Variants in TMEM132D observed in about 807,000 individuals in gnomAD.
The protein encoded by TMEM132D is mature OL transmembrane protein.
In TMEM132D, 21 loss-of-function variants were observed where a neutral mutation model predicts 62.3. The ratio of observed to expected loss-of-function variants is 0.34; its 90% CI spans 0.24 to 0.49. TMEM132D has a LOEUF of 0.49. Among genes scored for constraint, TMEM132D ranks in the 20% least tolerant of loss-of-function variants. The pLI, the probability that TMEM132D is intolerant of heterozygous loss-of-function variation, is 0.99. For missense variants in TMEM132D, 1,346 were observed against 1,402.8 expected (o/e 0.96, Z 0.65); for synonymous variants, 621 against 575.6 (o/e 1.08, Z -1.13).
At chr12:129,747,783 CACACTCG>C (rs935543534) in intron 1 of TMEM132D, among the ~76,000 whole-genome samples, 3 of 151,082 alleles carry the variant, frequency 2.0e-5, no homozygotes, top group African/African-American at 7.3e-5. Flanking sequence ...AACACATTCA[CACACTCG>C]ACACAGACAC....
chr12:129,270,657 G>C (rs1416958538), intron 4 of TMEM132D, among the ~76,000 whole-genome samples: 1 of 152,200 alleles, frequency 6.6e-6, no homozygotes, highest in East Asian at 1.9e-4. Flanking sequence ...GTGTGTGTGT[G>C]TGTGAGAGTG....
chr12:129,219,411 T>C (rs928023639), intron 4 of TMEM132D, among the ~76,000 whole-genome samples: 1 of 152,182 alleles, frequency 6.6e-6, no homozygotes, highest in Non-Finnish European at 1.5e-5. Flanking sequence ...ATGTCTTTAT[T>C]AGCAGTGTGA....
chr12:129,667,629 C>A (rs1334356339), intron 2 of TMEM132D, among the ~76,000 whole-genome samples: 1 of 152,044 alleles, frequency 6.6e-6, no homozygotes, highest in East Asian at 1.9e-4. Flanking sequence ...AATTATGTCT[C>A]TTTCTAACCT....
chr12:129,078,817 G>C, intron 7 of TMEM132D, 92 bp from the exon 8 acceptor site: 3 of 1,352,334 alleles, frequency 2.2e-6, no homozygotes, highest in South Asian at 1.3e-5. Context: ...TGCAGGCAGC[G>C]GCAGGGCAAC....
intron 1 of TMEM132D, among the ~76,000 whole-genome samples, chr12:129,896,353 C>T (rs7294738): frequency 0.055 from 8,377 of 152,112 alleles, 316 homozygotes; most frequent in East Asian, 0.17. Flanking sequence ...TTCATCTGCA[C>T]GAGAAAGGAG....
Position 129,854,020 on chromosome 12 carries a change from G to A in TMEM132D, c.79+49241C>T, listed in dbSNP as rs756033328. ...ACGCAAAGAAAAGCCACCTTGGGGG[G>A]ATGGGCCTCCGTTTCCTCTTTGGTA... On this transcript the variant is annotated intron_variant, in intron 1 of 8. Transcript: ENST00000422113. Among the ~76,000 whole-genome samples the A allele has an allele frequency of 3.3e-5, 5 of 152,156 alleles. No homozygotes were observed. The South Asian group carries it at 6.2e-4, about 19-fold the overall frequency.
chr12:129,207,974 C>A (rs924194570), intron 5 of TMEM132D, among the ~76,000 whole-genome samples: 1 of 152,088 alleles, frequency 6.6e-6, no homozygotes, highest in African/African-American at 2.4e-5. Flanking sequence ...CTGTCATCAC[C>A]CAACTGATCT....
chr12:129,183,720 C>T (rs191216900), intron 5 of TMEM132D, among the ~76,000 whole-genome samples: 30 of 152,310 alleles, frequency 2.0e-4, no homozygotes, highest in Admixed American at 6.5e-4. Flanking sequence ...GTCAAAGGGA[C>T]GATTCTTTGG....
At position 129,839,117 on chromosome 12, in the gene TMEM132D, A is replaced by ATTTTTTTTTTTTTTTTTTTTTT. The variant is rs71085578; in HGVS notation, c.79+64122_79+64143dup. 2.2e-3 allele frequency among the ~76,000 whole-genome samples: 45 copies of ATTTTTTTTTTTTTTTTTTTTTT among 20,712 alleles called. 16 individuals are homozygous for ATTTTTTTTTTTTTTTTTTTTTT. Among genetic ancestry groups the ATTTTTTTTTTTTTTTTTTTTTT allele is most frequent in the Admixed American group, 2.6e-3 (2 of 764 alleles). 13.6% of individuals were successfully genotyped at this position (20,712 alleles called of 152,430 possible). A position where few individuals can be genotyped will look rare whatever the true frequency, so the allele number is the denominator to read the frequency against. On this transcript the variant is annotated intron_variant, in intron 1 of 8. Transcript: ENST00000422113. ...AGGCGTCCACCACCACGCCTGGCTA[A>ATTTTTTTTTTTTTTTTTTTTTT]TTTTTTTTTTTTTTTTTTTTTTTTT...
At position 129,712,193 on chromosome 12, in the gene TMEM132D, C is replaced by T. The variant is rs573444928; in HGVS notation, c.80-11495G>A. On this transcript the variant is annotated intron_variant, in intron 1 of 8. Transcript: ENST00000422113. ...AGAGTGGAGTGCAATGGCGTGATCTCGGCTCACTGCAACATCTGCCTCCCA... is the reference window on the plus strand; with the variant it reads ...AGAGTGGAGTGCAATGGCGTGATCTTGGCTCACTGCAACATCTGCCTCCCA... Among the ~76,000 whole-genome samples, 5 of 152,124 alleles carry T rather than the reference C, an allele frequency of 3.3e-5. No homozygotes were observed. The South Asian group carries it at 6.2e-4, about 19-fold the overall frequency.
At position 129,656,539 on chromosome 12, in the gene TMEM132D, A is replaced by G. The variant is rs189727142; in HGVS notation, c.968+43271T>C. On this transcript the variant is annotated intron_variant, in intron 2 of 8. Transcript: ENST00000422113. ...ACTCTAGCCTCATAGTCTGTTTTTT[A>G]CACCTATACTAGGTGTGGTAAAGCA... Among the ~76,000 whole-genome samples, 42 of 152,156 alleles carry G rather than the reference A, an allele frequency of 2.8e-4. 1 individual carries two copies. The highest frequency in any genetic ancestry group is 2.3e-3 in the Admixed American group (35 of 15,274).
Position 129,483,642 on chromosome 12 carries a change from C to T in TMEM132D, c.1115+47417G>A, listed in dbSNP as rs374051164. Among the ~76,000 whole-genome samples the T allele has an allele frequency of 1.9e-3, 284 of 152,316 alleles. 3 individuals carry two copies. Among genetic ancestry groups the T allele is most frequent in the African/African-American group, 6.4e-3 (268 of 41,588 alleles). On this transcript the variant is annotated intron_variant, in intron 3 of 8. Transcript: ENST00000422113. ...GAACATCATTTTGAGTGAACACAAA[C>T]GCTGCCAGCAGTTGGCTTTTCACAG...
intron 1 of TMEM132D, among the ~76,000 whole-genome samples, chr12:129,849,723 A>G (rs1483898937): frequency 1.3e-5 from 2 of 152,228 alleles, no homozygotes; most frequent in Non-Finnish European, 2.9e-5. Context: ...GCAACGCGGT[A>G]GCCATTGCAT....
chr12:129,636,737 T>TGTGTGAGAGA (rs375868329), intron 2 of TMEM132D, among the ~76,000 whole-genome samples: 1,909 of 113,524 alleles, frequency 0.017, 53 homozygotes, highest in African/African-American at 0.053. Flanking sequence ...TGTGTGTGTG[T>TGTGTGAGAGA]GAGAGAGAGA....
intron 4 of TMEM132D, among the ~76,000 whole-genome samples, chr12:129,319,030 G>A (rs1165681234): frequency 6.6e-6 from 1 of 152,128 alleles, no homozygotes; most frequent in African/African-American, 2.4e-5. Context: ...AACTTGCCCT[G>A]GGCTACCTGC....
intron 2 of TMEM132D, among the ~76,000 whole-genome samples, chr12:129,659,263 C>T (rs907966335): frequency 4.6e-5 from 7 of 152,040 alleles, no homozygotes; most frequent in Non-Finnish European, 1.0e-4. Context: ...CAAGAAAAAT[C>T]GATGGCTGTT....
chr12:129,074,622 C>T lies in TMEM132D; in HGVS notation c.2553G>A (p.Glu851=), dbSNP rs568598060. The T allele has an allele frequency of 6.2e-7, 1 of 1,613,934 alleles. No individual in the cohort carries two copies. The highest frequency in any genetic ancestry group is 8.5e-7 in the Non-Finnish European group (1 of 1,180,020). The change falls in exon 9 of 9, where the codon GAG becomes GAA. Residue 851 remains glutamate, a synonymous_variant. Coordinates refer to ENST00000422113, the MANE Select transcript of TMEM132D (RefSeq NM_133448.3). ...ACCTGTCTGTCGTGGTGCCCCGTCC[C>T]TCCATGAGTCCCATAGAAGAACTGC... ...YYGSSSMGLM[E]GRGTTTDRSI...
At chr12:129,543,816 A>G (rs1008506729) in intron 2 of TMEM132D, among the ~76,000 whole-genome samples, 1 of 152,208 alleles carries the variant, frequency 6.6e-6, no homozygotes, top group African/African-American at 2.4e-5. Flanking sequence ...TTATAGATCC[A>G]CTGCATTCTT....
At chr12:129,775,321 G>A (rs958984191) in intron 1 of TMEM132D, among the ~76,000 whole-genome samples, 1 of 152,064 alleles carries the variant, frequency 6.6e-6, no homozygotes, top group African/African-American at 2.4e-5. Context: ...ACATTTGGGC[G>A]GAATGCCACC....
Sources: gnomAD v4.1 joint callset for allele counts (sites outside exome capture counted in the v4.1 genomes callset) on GRCh38, gnomAD v4.1.1 for gene constraint, MANE v1.5 for transcripts, NCBI Gene and HGNC (gene_info 2026-07-23, HGNC 2026-07-21) for gene names.